The following PIGL variants were observed in gnomAD, a reference collection of about 807,000 sequenced individuals.
PIGL encodes N-acetylglucosaminyl-phosphatidylinositol de-N-acetylase.
In PIGL, 22 loss-of-function variants were observed where a neutral mutation model predicts 31.1. The ratio of observed to expected loss-of-function variants is 0.71; its 90% CI spans 0.51 to 1.01. The LOEUF is 1.01. PIGL is among the 50% of genes least tolerant of loss of function. The pLI, the probability that PIGL is intolerant of heterozygous loss-of-function variation, is 0.00. For synonymous variants in PIGL, 131 were observed against 117.4 expected, an observed-to-expected ratio of 1.12 and a Z score of -0.75; for missense variants, 302 against 315.9, an observed-to-expected ratio of 0.96 and a Z score of 0.33.
At chr17:16,236,430 A>C (rs2092699947) in intron 2 of PIGL, among the ~76,000 whole-genome samples, 1 of 151,888 alleles carries the variant, frequency 6.6e-6, no homozygotes, top group African/African-American at 2.4e-5. Flanking sequence ...GTACAATGAG[A>C]TTTTCCAGTA....
At chr17:16,285,805 T>C (rs1600823489) in intron 2 of PIGL, among the ~76,000 whole-genome samples, 1 of 152,212 alleles carries the variant, frequency 6.6e-6, no homozygotes, top group East Asian at 1.9e-4. Context: ...CTATTTCTTT[T>C]CTCTGCGTAT....
intron 6 of PIGL, chr17:16,324,441 A>G (rs1362196057): frequency 6.6e-6 from 1 of 151,232 alleles, no homozygotes; most frequent in African/African-American, 2.4e-5. Flanking sequence ...TCTAATTGCA[A>G]TCTCCGCCTC....
chr17:16,217,588 C>T (rs1478375414), intron 1 of PIGL, 127 bp downstream of exon 1: 2 of 727,386 alleles, frequency 2.7e-6, no homozygotes, highest in South Asian at 1.8e-5. Flanking sequence ...AAGGTCTTAC[C>T]TCTGAACCCC....
At chr17:16,267,711 G>GA (rs199795601) in intron 2 of PIGL, among the ~76,000 whole-genome samples, 6,709 of 144,928 alleles carry the variant, frequency 0.046, 549 homozygotes, top group African/African-American at 0.16. Flanking sequence ...AAGAAAAAAA[G>GA]AAAAAAAAAA....
intron 1 of PIGL, among the ~76,000 whole-genome samples, chr17:16,231,822 G>A (rs28622079): frequency 0.1 from 15,936 of 151,984 alleles, 1,130 homozygotes; most frequent in Middle Eastern, 0.16. Context: ...ATTATTTTCT[G>A]TTTCCTAGAA....
intron 6 of PIGL, among the ~76,000 whole-genome samples, chr17:16,318,458 C>T (rs1424067321): frequency 6.6e-6 from 1 of 151,788 alleles, no homozygotes; most frequent in East Asian, 2.0e-4. Flanking sequence ...TTTAGTAGAG[C>T]TGGGGTTTCA....
At chr17:16,300,035 G>C in intron 3 of PIGL, 57 bp downstream of exon 3, 3 of 1,379,654 alleles carry the variant, frequency 2.2e-6, no homozygotes, top group Non-Finnish European at 3.1e-6. Context: ...TTCACACCAG[G>C]TGGTTTCTGT....
intron 2 of PIGL, among the ~76,000 whole-genome samples, chr17:16,293,986 G>T (rs577948520): frequency 1.3e-5 from 2 of 152,274 alleles, no homozygotes; most frequent in East Asian, 3.9e-4. Flanking sequence ...TTGGCTTTTG[G>T]GAGGTTATCT....
chr17:16,242,944 A>C (rs1600766242), intron 2 of PIGL, among the ~76,000 whole-genome samples: 1 of 151,926 alleles, frequency 6.6e-6, no homozygotes, highest in Non-Finnish European at 1.5e-5. Context: ...GGATTTCCTT[A>C]ATCTATGTTA....
chr17:16,217,627 T>TA, intron 1 of PIGL, 166 bp downstream of exon 1: 18 of 523,028 alleles, frequency 3.4e-5, no homozygotes, highest in South Asian at 1.0e-4. Context: ...AGCGGCCGGC[T>TA]TACCTGGTGG....
chr17:16,317,951 C>T, intron 6 of PIGL, 43 bp downstream of exon 6: 1 of 1,398,472 alleles, frequency 7.2e-7, no homozygotes, highest in Admixed American at 2.2e-5. Context: ...CAGATCCCTG[C>T]CCCAGACCCC....
At chr17:16,269,522 G>A (rs968362809) in intron 2 of PIGL, among the ~76,000 whole-genome samples, 3 of 152,048 alleles carry the variant, frequency 2.0e-5, no homozygotes, top group African/African-American at 7.2e-5. Flanking sequence ...GTGTTGGCAT[G>A]TGCCGGTAAT....
chr17:16,244,778 G>A (rs914950320), intron 2 of PIGL, among the ~76,000 whole-genome samples: 7 of 151,866 alleles, frequency 4.6e-5, no homozygotes, highest in African/African-American at 1.7e-4. Flanking sequence ...GGGCTCAAGT[G>A]ACCCTCCTGC....
intron 2 of PIGL, among the ~76,000 whole-genome samples, chr17:16,280,589 C>T (rs1248533571): frequency 1.3e-5 from 2 of 152,162 alleles, no homozygotes; most frequent in African/African-American, 4.8e-5. Flanking sequence ...TTATCAGCAT[C>T]CCCAACCCAA....
intron 2 of PIGL, among the ~76,000 whole-genome samples, chr17:16,263,492 TGGTTTTTTTTTGTTTGTTTTGTTTA>T (rs2092827689): frequency 6.6e-6 from 1 of 151,092 alleles, no homozygotes; most frequent in Non-Finnish European, 1.5e-5. Flanking sequence ...TTTGTTTTAT[TGGTTTTTTTTTGTTTGTTTTGTTTA>T]GGTTTTTTTT....
intron 5 of PIGL, chr17:16,317,276 A>C: frequency 1.0e-6 from 1 of 1,002,920 alleles, no homozygotes; most frequent in Non-Finnish European, 1.2e-6. Flanking sequence ...TTACCAAGCC[A>C]TGATGACTTT....
intron 2 of PIGL, among the ~76,000 whole-genome samples, chr17:16,249,648 G>A (rs1366352098): frequency 6.6e-6 from 1 of 152,214 alleles, no homozygotes; most frequent in Non-Finnish European, 1.5e-5. Context: ...TGAGAAACAA[G>A]CAGGCCACTG....
At position 16,217,216 on chromosome 17, in the gene PIGL, G is replaced by A. The variant is rs1600725919; in HGVS notation, c.-11G>A. The A allele has an allele frequency of 6.2e-7, 1 of 1,612,390 alleles. No homozygotes were observed. Among genetic ancestry groups the A allele is most frequent in the East Asian group, 2.2e-5 (1 of 44,864 alleles). On this transcript the variant is annotated 5_prime_UTR_variant, in exon 1 of 7. Coordinates refer to ENST00000225609, the MANE Select transcript of PIGL (RefSeq NM_004278.4). ...TTTCCTACTGCGCAGGCTCAGTGCT[G>A]CTTACCCATCATGGAAGCAATGTGG... is the stretch of plus-strand genomic sequence containing the variant.
At chr17:16,243,010 T>C (rs2092729590) in intron 2 of PIGL, among the ~76,000 whole-genome samples, 1 of 152,202 alleles carries the variant, frequency 6.6e-6, no homozygotes, top group African/African-American at 2.4e-5. Context: ...ATTGACAACA[T>C]ATCCAGTGTT....
Sources: gnomAD v4.1 joint callset for allele counts (sites outside exome capture counted in the v4.1 genomes callset) on GRCh38, gnomAD v4.1.1 for gene constraint, MANE v1.5 for transcripts, NCBI Gene and HGNC (gene_info 2026-07-23, HGNC 2026-07-21) for gene names.